Variants in PTPRK observed in about 807,000 individuals in gnomAD.
The protein encoded by PTPRK is protein tyrosine phosphatase receptor type K, also known as receptor-type tyrosine-protein phosphatase kappa.
A neutral mutation model predicts 178.0 loss-of-function variants in PTPRK; 75 were observed. The ratio of observed to expected loss-of-function variants is 0.42; its 90% CI spans 0.35 to 0.51. The LOEUF is 0.51. Ranked by LOEUF, PTPRK falls within the 20% of genes least tolerant of loss-of-function variation. The probability of loss-of-function intolerance (pLI) is 0.02; values close to 1 mark genes in which losing one functional copy is unlikely to be tolerated. For synonymous variants in PTPRK, 637 were observed against 620.6 expected (o/e 1.03, Z -0.39); for missense variants, 1,441 against 1,797.8 (o/e 0.80, Z 3.59).
chr6:128,228,910 A>T lies in PTPRK; in HGVS notation c.694-9814T>A, dbSNP rs369812942. Among the ~76,000 whole-genome samples, 11 of 152,288 alleles carry T rather than the reference A, an allele frequency of 7.2e-5. No homozygotes were observed. The East Asian group carries it at 1.4e-3, about 19-fold the overall frequency. On this transcript the variant is annotated intron_variant, in intron 5 of 29. Transcript: ENST00000368226. ...CCTATTCTGTCTGTGAAAGAAAATG[A>T]AGTAACATTATTTAAGTTACTCAAT...
intron 2 of PTPRK, among the ~76,000 whole-genome samples, chr6:128,362,605 T>C (rs1834929586): frequency 1.3e-5 from 2 of 152,192 alleles, no homozygotes; most frequent in South Asian, 4.1e-4. Flanking sequence ...AATAAGAGAA[T>C]TATTGGCTGT....
chr6:128,452,011 A>C (rs1461763083), intron 1 of PTPRK, among the ~76,000 whole-genome samples: 1 of 152,198 alleles, frequency 6.6e-6, no homozygotes, highest in Non-Finnish European at 1.5e-5. Flanking sequence ...TGCAAGATAA[A>C]TATACTTTAT....
intron 7 of PTPRK, among the ~76,000 whole-genome samples, chr6:128,113,900 A>G (rs888777082): frequency 3.9e-5 from 6 of 152,156 alleles, no homozygotes; most frequent in African/African-American, 1.4e-4. Flanking sequence ...TAATTACAGA[A>G]TGTATCTTTA....
chr6:128,519,793 G>A lies in PTPRK; in HGVS notation c.100+466C>T, dbSNP rs1858732089. Among the ~76,000 whole-genome samples, 1 of 152,176 alleles carries A rather than the reference G, an allele frequency of 6.6e-6. No individual in the cohort carries two copies. Among genetic ancestry groups the A allele is most frequent in the South Asian group, 2.1e-4 (1 of 4,836 alleles). ...AATAGTCAGGGGAGGTTATTCCCGG[G>A]ACAAAAAGCACCTGGCAAAGCGCGC... On this transcript the variant is annotated intron_variant, in intron 1 of 29. Transcript: ENST00000368226. This position sits in a 1 kb window ranked among gnomAD's most constrained non-coding sequence, Gnocchi z 4.3.
At chr6:128,339,241 T>C (rs1027673614) in intron 2 of PTPRK, among the ~76,000 whole-genome samples, 3 of 152,192 alleles carry the variant, frequency 2.0e-5, no homozygotes, top group Non-Finnish European at 4.4e-5. Flanking sequence ...AATTTTCTTA[T>C]TTTTTACCAA....
At chr6:128,011,778 T>C (rs1332258705) in intron 13 of PTPRK, among the ~76,000 whole-genome samples, 2 of 151,076 alleles carry the variant, frequency 1.3e-5, no homozygotes, top group African/African-American at 4.8e-5. Context: ...TTTCCAGAAA[T>C]AAAAAGCCAA....
intron 1 of PTPRK, among the ~76,000 whole-genome samples, chr6:128,440,888 G>A (rs1255012673): frequency 6.6e-6 from 1 of 151,928 alleles, no homozygotes; most frequent in Non-Finnish European, 1.5e-5. Context: ...AAATACCACG[G>A]TGAATATCTT....
intron 5 of PTPRK, among the ~76,000 whole-genome samples, chr6:128,236,019 A>C (rs1813189572): frequency 6.6e-6 from 1 of 152,030 alleles, no homozygotes; most frequent in Non-Finnish European, 1.5e-5. Context: ...ACTGTGTCTA[A>C]TTTATTAATT....
intron 11 of PTPRK, among the ~76,000 whole-genome samples, chr6:128,072,054 A>G (rs946438282): frequency 3.3e-5 from 5 of 152,020 alleles, no homozygotes; most frequent in African/African-American, 1.2e-4. Flanking sequence ...CTAGATCTAA[A>G]TATTAGGTGA....
At chr6:128,004,528 A>G (rs913409112) in intron 15 of PTPRK, among the ~76,000 whole-genome samples, 8 of 151,780 alleles carry the variant, frequency 5.3e-5, no homozygotes, top group Admixed American at 2.0e-4. Flanking sequence ...AAAACCCCCA[A>G]TTCAAGTATA....
Position 128,009,117 on chromosome 6 carries a change from T to C in PTPRK, c.2333+13A>G, listed in dbSNP as rs199681030. 34 of 1,606,466 alleles carry C rather than the reference T, an allele frequency of 2.1e-5. No homozygotes were observed. Among genetic ancestry groups the C allele is most frequent in the Middle Eastern group, 1.7e-4 (1 of 6,042 alleles). The stretch of plus-strand genomic sequence containing the variant: ...ATGGTAAGTGAGTGGGACAGGACAA[T>C]ATTAGGCCTTACCTCTTTTTTACAA... On this transcript the variant is annotated intron_variant, in intron 14 of 29. Transcript: ENST00000368226.
At chr6:128,239,103 T>C (rs189589580) in intron 5 of PTPRK, among the ~76,000 whole-genome samples, 18 of 151,414 alleles carry the variant, frequency 1.2e-4, no homozygotes, top group Admixed American at 2.6e-4. Context: ...GATGCCTATG[T>C]TGAAGAAATT....
At chr6:128,485,454 G>A (rs1206293235) in intron 1 of PTPRK, among the ~76,000 whole-genome samples, 35 of 152,118 alleles carry the variant, frequency 2.3e-4, no homozygotes, top group Non-Finnish European at 1.5e-5. Context: ...CATTGAAAAT[G>A]CATGCACACA....
intron 13 of PTPRK, among the ~76,000 whole-genome samples, chr6:128,049,834 T>C (rs1778691534): frequency 6.6e-6 from 1 of 152,188 alleles, no homozygotes; most frequent in Non-Finnish European, 1.5e-5. Context: ...GGGCACTTTA[T>C]AAATTACATA....
chr6:127,982,725 G>A (rs1357814249), intron 24 of PTPRK, 106 bp downstream of exon 24: 3 of 966,224 alleles, frequency 3.1e-6, no homozygotes, highest in Non-Finnish European at 4.6e-6. Flanking sequence ...TTTAAAACAG[G>A]ATCAAAGGTT....
At chr6:128,462,235 A>C (rs902706069) in intron 1 of PTPRK, among the ~76,000 whole-genome samples, 8 of 152,204 alleles carry the variant, frequency 5.3e-5, no homozygotes, top group Admixed American at 2.0e-4. Context: ...AATCAATAAA[A>C]GACTCTAGAG....
intron 13 of PTPRK, among the ~76,000 whole-genome samples, chr6:128,041,066 C>A (rs148626828): frequency 6.6e-6 from 1 of 152,100 alleles, no homozygotes; most frequent in South Asian, 2.1e-4. Context: ...CCCATTTTTA[C>A]AAAATTTAAG....
chr6:128,356,292 C>CT (rs1833952414), intron 2 of PTPRK, among the ~76,000 whole-genome samples: 1 of 152,152 alleles, frequency 6.6e-6, no homozygotes, highest in Non-Finnish European at 1.5e-5. Flanking sequence ...CAGATCTACT[C>CT]TTTCTCCTTT....
chr6:128,427,950 G>A (rs982560071), intron 1 of PTPRK, among the ~76,000 whole-genome samples: 11 of 151,996 alleles, frequency 7.2e-5, no homozygotes, highest in East Asian at 1.9e-4. Flanking sequence ...AAAATTAGCC[G>A]GGCATGGTGG....
Sources: allele counts gnomAD v4.1 joint callset (sites outside exome capture counted in the v4.1 genomes callset), GRCh38; gene constraint gnomAD v4.1.1; non-coding constraint Gnocchi (gnomAD v3.1); transcripts MANE v1.5; gene names NCBI Gene and HGNC (gene_info 2026-07-23, HGNC 2026-07-21).